ADGB: variants seen among roughly 807,000 people sequenced by gnomAD.
The protein encoded by ADGB is calpain-7-like protein.
Under a neutral mutation model 210.5 loss-of-function variants are expected in ADGB, and 172 were observed. The ratio of observed to expected loss-of-function variants is 0.82; its 90% CI spans 0.72 to 0.93. The LOEUF is 0.93. ADGB is among the 40% of genes least tolerant of loss of function. The probability of loss-of-function intolerance (pLI) is 0.00; values close to 1 mark genes in which losing one functional copy is unlikely to be tolerated. For missense variants in ADGB, 2,025 were observed against 1,964.8 expected (o/e 1.03, Z -0.58); for synonymous variants, 658 against 662.7 (o/e 0.99, Z 0.11).
intron 35 of ADGB, among the ~76,000 whole-genome samples, chr6:146,810,268 C>T (rs1455030675): frequency 6.6e-6 from 1 of 152,112 alleles, no homozygotes; most frequent in African/African-American, 2.4e-5. Flanking sequence ...TCACCTCACA[C>T]CTGTTAAGAT....
At chr6:146,625,299 T>C (rs767149147) in intron 1 of ADGB, among the ~76,000 whole-genome samples, 16 of 152,252 alleles carry the variant, frequency 1.1e-4, no homozygotes, top group Non-Finnish European at 2.1e-4. Flanking sequence ...TGAATTTTCC[T>C]TTTTGTTATT....
intron 3 of ADGB, among the ~76,000 whole-genome samples, chr6:146,651,716 T>C (rs556791656): frequency 3.1e-4 from 47 of 152,296 alleles, no homozygotes; most frequent in Non-Finnish European, 5.6e-4. Flanking sequence ...TGGGTCTCTA[T>C]GCCTGGTTTA....
At chr6:146,742,522 T>C (rs1159125889) in intron 25 of ADGB, among the ~76,000 whole-genome samples, 1 of 152,168 alleles carries the variant, frequency 6.6e-6, no homozygotes, top group African/African-American at 2.4e-5. Flanking sequence ...ATATTTGGAA[T>C]TATACACCTA....
At chr6:146,708,142 A>T (rs974040364) in intron 13 of ADGB, among the ~76,000 whole-genome samples, 1 of 152,046 alleles carries the variant, frequency 6.6e-6, no homozygotes, top group African/African-American at 2.4e-5. Flanking sequence ...AACAATTTAC[A>T]ATCTCTTATA....
chr6:146,803,716 T>G, intron 35 of ADGB: 8 of 1,031,634 alleles, frequency 7.8e-6, no homozygotes, highest in African/African-American at 1.6e-5. Context: ...CCATAATCTC[T>G]TAAGTACCGG....
intron 1 of ADGB, among the ~76,000 whole-genome samples, chr6:146,620,627 T>G (rs1350886967): frequency 6.6e-6 from 1 of 152,142 alleles, no homozygotes; most frequent in Non-Finnish European, 1.5e-5. Context: ...TGCTAAGACT[T>G]CTATTTGGTT....
Position 146,692,817 on chromosome 6 carries a change from C to A in ADGB, c.1487-8C>A, listed in dbSNP as rs946574230. The stretch of plus-strand genomic sequence containing the variant: ...TGTACATCATACTTTCTAACTGCTA[C>A]TTTTTAGAGTTAATAGTAAAGAAGC... On this transcript the variant is annotated splice_polypyrimidine_tract_variant and splice_region_variant and intron_variant, in intron 11 of 35. Coordinates refer to ENST00000397944, the MANE Select transcript of ADGB (RefSeq NM_024694.4). 6.8e-6 allele frequency: 10 copies of A among 1,473,586 alleles called. No individual in the cohort carries two copies. The highest frequency in any genetic ancestry group is 9.1e-6 in the Non-Finnish European group (10 of 1,094,044). The allele number at this position is 1,473,586 out of a possible 1,614,324, so 91.3% of individuals were successfully genotyped here. A position where few individuals can be genotyped will look rare whatever the true frequency, so the allele number is the denominator to read the frequency against.
chr6:146,803,268 A>G (rs1778159116), intron 35 of ADGB: 2 of 1,599,364 alleles, frequency 1.3e-6, no homozygotes, highest in Admixed American at 1.7e-5. Context: ...GTCCTGAGAA[A>G]CCTCAGAAAA....
At chr6:146,736,177 G>T (rs947648519) in intron 22 of ADGB, among the ~76,000 whole-genome samples, 1 of 152,062 alleles carries the variant, frequency 6.6e-6, no homozygotes. Flanking sequence ...TCTGAGATAA[G>T]ATCTGTCACA....
chr6:146,729,174 G>C (rs990367017), intron 20 of ADGB, among the ~76,000 whole-genome samples: 2 of 152,158 alleles, frequency 1.3e-5, no homozygotes, highest in Non-Finnish European at 2.9e-5. Context: ...GCAGCCTTGA[G>C]GGGGTGAAGC....
chr6:146,780,026 A>G (rs1302233556), intron 29 of ADGB, among the ~76,000 whole-genome samples: 1 of 152,058 alleles, frequency 6.6e-6, no homozygotes, highest in Admixed American at 6.5e-5. Flanking sequence ...AGCAATGATC[A>G]TAAGTCTGTG....
chr6:146,664,415 A>G (rs1200652604), intron 6 of ADGB, 75 bp downstream of exon 6: 2 of 1,372,918 alleles, frequency 1.5e-6, no homozygotes, highest in East Asian at 2.7e-5. Flanking sequence ...GTATTGCATA[A>G]TTTATTTTTT....
In ADGB at chr6:146,635,289, A is replaced by G. The variant is rs1442575488; in HGVS notation, c.75-86A>G. 8 of 1,224,034 alleles carry G rather than the reference A, an allele frequency of 6.5e-6. No homozygotes were observed. In the East Asian group the frequency reaches 1.8e-4, roughly 27 times the overall value. The allele number at this position is 1,224,034 out of a possible 1,614,324, so 75.8% of individuals were successfully genotyped here. A position where few individuals can be genotyped will look rare whatever the true frequency, so the allele number is the denominator to read the frequency against. ...TAGTTAGTATGACTCAGCTGAGAAG[A>G]CAAATTTATGTTATGCAGTTAATCC... On this transcript the variant is annotated intron_variant, in intron 1 of 35. Transcript: ENST00000397944.
chr6:146,807,565 A>T, intron 35 of ADGB: 1 of 1,537,312 alleles, frequency 6.5e-7, no homozygotes, highest in Middle Eastern at 1.7e-4. Flanking sequence ...ACACAGAAAA[A>T]AAAGAAAGGA....
chr6:146,647,115 A>AAAAAAAC (rs1562263814), intron 3 of ADGB, among the ~76,000 whole-genome samples: 4 of 148,034 alleles, frequency 2.7e-5, no homozygotes, highest in African/African-American at 1.0e-4. Context: ...CAAAAAACAA[A>AAAAAAAC]AAACAAACAA....
chr6:146,757,950 A>G (rs1562293744), intron 27 of ADGB, among the ~76,000 whole-genome samples: 1 of 152,084 alleles, frequency 6.6e-6, no homozygotes, highest in African/African-American at 2.4e-5. Context: ...TGATATAATT[A>G]GGGCACAAGT....
chr6:146,807,718 C>T (rs1181776647), intron 35 of ADGB: 1 of 783,624 alleles, frequency 1.3e-6, no homozygotes, highest in Admixed American at 3.6e-5. Flanking sequence ...TATTTTAATG[C>T]TAACTTGTTA....
chr6:146,656,466 C>T (rs978481430), intron 4 of ADGB, among the ~76,000 whole-genome samples: 2 of 152,188 alleles, frequency 1.3e-5, no homozygotes, highest in Non-Finnish European at 2.9e-5. Context: ...AAACACACCA[C>T]TCATATAAAT....
rs752877277 is a variant in ADGB at position 146,654,164 on chromosome 6, G to A, written c.360G>A (p.Thr120=). Reference sequence around the variant, plus strand: ...CAGTAGTTGTGAAAAATGAAATCACGTTTGACTTATTTTCAGCAAATGAAC... The same window carrying A: ...CAGTAGTTGTGAAAAATGAAATCACATTTGACTTATTTTCAGCAAATGAAC... ...QTPVVVKNEI[T]FDLFSANEHL... Residue 120 remains threonine (T), a synonymous_variant, in exon 4 of 36, where the codon ACG becomes ACA. Coordinates refer to ENST00000397944, the MANE Select transcript of ADGB (RefSeq NM_024694.4). The A allele has an allele frequency of 1.2e-5, 18 of 1,542,098 alleles. 1 individual carries two copies. The Middle Eastern group carries it at 5.0e-4, about 43-fold the overall frequency.
Sources: allele counts gnomAD v4.1 joint callset (sites outside exome capture counted in the v4.1 genomes callset), GRCh38; gene constraint gnomAD v4.1.1; transcripts MANE v1.5; gene names NCBI Gene and HGNC (gene_info 2026-07-23, HGNC 2026-07-21).